Variants in APBB2 observed in about 807,000 individuals in gnomAD.
APBB2 encodes Fe65-like 1.
APBB2 carries 38 observed loss-of-function variants against 82.5 expected under a neutral mutation model. That is an observed-to-expected ratio of 0.46 (90% CI 0.36 to 0.60). The LOEUF (loss-of-function observed/expected upper bound fraction) is 0.60, where lower values mean the gene tolerates loss of function less well. Ranked by LOEUF, APBB2 falls within the 20% of genes least tolerant of loss-of-function variation. APBB2 has a pLI of 0.00. For missense variants in APBB2, 772 were observed against 972.3 expected, an observed-to-expected ratio of 0.79 and a Z score of 2.74; for synonymous variants, 341 against 368.2, an observed-to-expected ratio of 0.93 and a Z score of 0.85.
intron 1 of APBB2, among the ~76,000 whole-genome samples, chr4:41,180,849 C>A (rs1000794122): frequency 6.6e-6 from 1 of 152,046 alleles, no homozygotes; most frequent in African/African-American, 2.4e-5. Flanking sequence ...GTATTAAATC[C>A]AAAGCTGTTT....
intron 4 of APBB2, among the ~76,000 whole-genome samples, chr4:41,053,148 A>G (rs1726671030): frequency 6.6e-6 from 1 of 152,242 alleles, no homozygotes; most frequent in African/African-American, 2.4e-5. Context: ...AAAGCATTCC[A>G]GGTCTCAAGT....
chr4:41,197,407 T>C, intron 1 of APBB2, among the ~76,000 whole-genome samples: 50 of 152,306 alleles, frequency 3.3e-4, no homozygotes, highest in Non-Finnish European at 8.8e-5. Flanking sequence ...AAGCCAGTAT[T>C]TTCTGAGCAC....
intron 3 of APBB2, among the ~76,000 whole-genome samples, chr4:41,069,190 G>C (rs897389672): frequency 6.6e-6 from 1 of 152,146 alleles, no homozygotes. Flanking sequence ...GCAGACATTT[G>C]AGAGTAAAGG....
chr4:41,013,606 G>A lies in APBB2; in HGVS notation c.812C>T (p.Ser271Leu), dbSNP rs1579242111. 1.2e-6 allele frequency: 2 copies of A among 1,614,102 alleles called. No homozygotes were observed. Among genetic ancestry groups the A allele is most frequent in the Non-Finnish European group, 1.7e-6 (2 of 1,179,944 alleles). Residue 271 changes from serine to leucine, a missense_variant, in exon 6 of 18, where the codon TCA becomes TTA. Transcript: ENST00000508593. ...ACCTGTTTCATCCGGGGAGCTGGGT[G>A]AGGCACTGTCTTGGGACAACGTTGT... ...SWTTLSQDSASPSSPDETADI... is the reference protein window; with the variant it reads ...SWTTLSQDSALPSSPDETADI...
chr4:41,159,439 A>T (rs866852718), intron 1 of APBB2, among the ~76,000 whole-genome samples: 2 of 152,220 alleles, frequency 1.3e-5, no homozygotes, highest in African/African-American at 2.4e-5. Flanking sequence ...TAAATCTGCC[A>T]AGACAACAAC....
intron 12 of APBB2, among the ~76,000 whole-genome samples, chr4:40,861,800 G>A (rs969014048): frequency 7.5e-6 from 1 of 132,578 alleles, no homozygotes; most frequent in African/African-American, 3.0e-5. Flanking sequence ...GTATTATGAA[G>A]GTGTTCTATT....
In APBB2 at chr4:40,832,027, C is replaced by T. The variant is rs1233888262; in HGVS notation, c.1530-1450G>A. Among the ~76,000 whole-genome samples the T allele has an allele frequency of 1.1e-4, 16 of 151,588 alleles. No homozygotes were observed. Among genetic ancestry groups the T allele is most frequent in the East Asian group, 3.9e-4 (2 of 5,174 alleles). On this transcript the variant is annotated intron_variant, in intron 12 of 17. Transcript: ENST00000508593. The surrounding 1 kb of genome is among the most constrained non-coding windows in gnomAD (Gnocchi z 4.8). ...ATTTATTTATATACACACACACACA[C>T]ACACACACACACACACACACACACA...
chr4:40,937,061 TTC>T (rs1038772888), intron 7 of APBB2, among the ~76,000 whole-genome samples: 4 of 152,180 alleles, frequency 2.6e-5, no homozygotes, highest in African/African-American at 9.7e-5. Context: ...AAGCTAGAAT[TTC>T]TTTTTCAAAA....
intron 1 of APBB2, among the ~76,000 whole-genome samples, chr4:41,175,322 A>G (rs1454814422): frequency 6.6e-6 from 1 of 152,228 alleles, no homozygotes; most frequent in Non-Finnish European, 1.5e-5. Flanking sequence ...AGACATGTAC[A>G]CTTTCAAAGT....
intron 5 of APBB2, among the ~76,000 whole-genome samples, chr4:41,018,183 T>C (rs765431243): frequency 1.4e-5 from 2 of 143,004 alleles, no homozygotes; most frequent in Non-Finnish European, 2.9e-5. Context: ...CCTTGCACAC[T>C]TTTATTTCTG....
intron 6 of APBB2, among the ~76,000 whole-genome samples, chr4:40,949,511 C>T (rs1003138028): frequency 1.3e-5 from 2 of 152,100 alleles, no homozygotes; most frequent in African/African-American, 4.8e-5. Context: ...GCAGCTGCTT[C>T]TGTAAAAGAT....
chr4:40,994,093 T>C (rs1802930177), intron 6 of APBB2, among the ~76,000 whole-genome samples: 1 of 151,654 alleles, frequency 6.6e-6, no homozygotes, highest in African/African-American at 2.4e-5. Flanking sequence ...ATCAAGACCA[T>C]CCTGTGAATG....
intron 5 of APBB2, among the ~76,000 whole-genome samples, chr4:41,021,054 T>C (rs1342706437): frequency 6.6e-6 from 1 of 152,240 alleles, no homozygotes; most frequent in Non-Finnish European, 1.5e-5. Context: ...CATCTTGCTA[T>C]TACTTGCCTT....
At chr4:41,004,774 T>G (rs1463899674) in intron 6 of APBB2, among the ~76,000 whole-genome samples, 2 of 135,790 alleles carry the variant, frequency 1.5e-5, no homozygotes, top group African/African-American at 5.4e-5. Flanking sequence ...GAGGCGGACC[T>G]TGCAGTGAGC....
intron 12 of APBB2, chr4:40,842,292 AC>A: frequency 2.3e-6 from 1 of 427,814 alleles, no homozygotes; most frequent in Admixed American, 2.5e-5. Flanking sequence ...TGGCAATGCG[AC>A]ATGAAGAAAG....
chr4:40,967,491 G>A (rs372748468), intron 6 of APBB2, among the ~76,000 whole-genome samples: 4 of 152,268 alleles, frequency 2.6e-5, no homozygotes, highest in East Asian at 1.9e-4. Context: ...TCTGGGCACC[G>A]ATGCGTTTAC....
intron 12 of APBB2, among the ~76,000 whole-genome samples, chr4:40,877,333 G>A (rs774090394): frequency 4.6e-5 from 7 of 152,202 alleles, no homozygotes; most frequent in Non-Finnish European, 2.9e-5. Flanking sequence ...CTCGTGGCAC[G>A]TGGTTAGGAA....
chr4:41,038,644 C>T (rs1191151209), intron 4 of APBB2, among the ~76,000 whole-genome samples: 1 of 152,182 alleles, frequency 6.6e-6, no homozygotes, highest in African/African-American at 2.4e-5. Context: ...TCTCATTTAT[C>T]CTCTTTACCT....
At chr4:40,959,835 G>T (rs1189756917) in intron 6 of APBB2, among the ~76,000 whole-genome samples, 1 of 152,122 alleles carries the variant, frequency 6.6e-6, no homozygotes, top group Non-Finnish European at 1.5e-5. Context: ...CTTCCAAAGA[G>T]CTATAATTAA....
Sources: gnomAD v4.1 joint callset for allele counts (sites outside exome capture counted in the v4.1 genomes callset) on GRCh38, gnomAD v4.1.1 for gene constraint, Gnocchi (gnomAD v3.1) non-coding constraint, MANE v1.5 for transcripts, NCBI Gene and HGNC (gene_info 2026-07-23, HGNC 2026-07-21) for gene names.